LHFPL6: variants seen among roughly 807,000 people sequenced by gnomAD.
LHFPL6 encodes LHFPL tetraspan subfamily member 6 protein.
LHFPL6 carries 9 observed loss-of-function variants against 20.6 expected under a neutral mutation model. That is an observed-to-expected ratio of 0.44 (90% CI 0.26 to 0.76). The LOEUF (loss-of-function observed/expected upper bound fraction) is 0.76. Ranked by LOEUF, LHFPL6 falls within the 30% of genes least tolerant of loss-of-function variation. The pLI, the probability that LHFPL6 is intolerant of heterozygous loss-of-function variation, is 0.20. For synonymous variants in LHFPL6, 105 were observed against 98.7 expected (o/e 1.06, Z -0.38); for missense variants, 218 against 253.5 (o/e 0.86, Z 0.95).
intron 2 of LHFPL6, among the ~76,000 whole-genome samples, chr13:39,533,363 C>T (rs1382421236): frequency 6.6e-6 from 1 of 152,180 alleles, no homozygotes; most frequent in Non-Finnish European, 1.5e-5. Flanking sequence ...TGTGGCTTCC[C>T]TCTTGAATCC....
chr13:39,584,895 G>T (rs1168128609), intron 2 of LHFPL6, among the ~76,000 whole-genome samples: 1 of 152,144 alleles, frequency 6.6e-6, no homozygotes, highest in Non-Finnish European at 1.5e-5. Context: ...CCAGGAAGAA[G>T]AAATAATACA....
chr13:39,574,901 G>C (rs1296831911), intron 2 of LHFPL6, among the ~76,000 whole-genome samples: 1 of 152,056 alleles, frequency 6.6e-6, no homozygotes, highest in Non-Finnish European at 1.5e-5. Context: ...GTGAAACCCT[G>C]TCTCTACTAA....
At chr13:39,505,787 T>C (rs2138468447) in intron 2 of LHFPL6, among the ~76,000 whole-genome samples, 1 of 152,338 alleles carries the variant, frequency 6.6e-6, no homozygotes, top group South Asian at 2.1e-4. Context: ...ATTAGGTCTG[T>C]ACCCACTACA....
At chr13:39,582,251 C>T (rs991939312) in intron 2 of LHFPL6, among the ~76,000 whole-genome samples, 4 of 152,198 alleles carry the variant, frequency 2.6e-5, no homozygotes, top group Non-Finnish European at 5.9e-5. Context: ...CAAGTCACGT[C>T]GACTGCATTT....
chr13:39,601,465 A>G lies in LHFPL6; in HGVS notation c.-174-75T>C, dbSNP rs1872945377. 5 of 364,856 alleles carry G rather than the reference A, an allele frequency of 1.4e-5. No homozygotes were observed. In the East Asian group the frequency reaches 1.6e-4, roughly 12 times the overall value. The allele number at this position is 364,856 out of a possible 1,614,324, so 22.6% of individuals were successfully genotyped here. A position where few individuals can be genotyped will look rare whatever the true frequency, so the allele number is the denominator to read the frequency against. On this transcript the variant is annotated intron_variant, in intron 1 of 3. Transcript: ENST00000379589. ...ATAACACTGTTTCAGCTAGTCTACA[A>G]TTTTCAATTAATAAACATTGAGACT...
rs1434487865 is a variant in LHFPL6, at chr13:39,342,988, G to A, written c.*948C>T. 5.3e-6 allele frequency: 1 copy of A among 189,278 alleles called. No homozygotes were observed. Among genetic ancestry groups the A allele is most frequent in the Non-Finnish European group, 1.1e-5 (1 of 89,772 alleles). 11.7% of individuals were successfully genotyped at this position (189,278 alleles called of 1,614,324 possible). On this transcript the variant is annotated 3_prime_UTR_variant, in exon 4 of 4. Transcript: ENST00000379589. ...CAAAATGAATATAGAAATAAATGTG[G>A]TACAGCACAGTACAATAATGGACAA...
intron 2 of LHFPL6, among the ~76,000 whole-genome samples, chr13:39,395,090 A>T (rs1211864133): frequency 6.6e-6 from 1 of 152,182 alleles, no homozygotes; most frequent in Non-Finnish European, 1.5e-5. Flanking sequence ...GGATCAGACC[A>T]GCTTCCTCCA....
At chr13:39,569,148 T>TGGACGGACGGACGGACGGACGGACGGAC (rs747576240) in intron 2 of LHFPL6, among the ~76,000 whole-genome samples, 12 of 144,396 alleles carry the variant, frequency 8.3e-5, no homozygotes, top group African/African-American at 2.3e-4. Flanking sequence ...GATGGATGGA[T>TGGACGGACGGACGGACGGACGGACGGAC]GGACGGACGG....
chr13:39,516,389 CT>C (rs1358231567), intron 2 of LHFPL6, among the ~76,000 whole-genome samples: 3 of 152,270 alleles, frequency 2.0e-5, no homozygotes, highest in African/African-American at 7.2e-5. Flanking sequence ...CGAGCAGCCC[CT>C]GGCTTGATTT....
At chr13:39,567,751 T>C (rs534561101) in intron 2 of LHFPL6, among the ~76,000 whole-genome samples, 1 of 152,336 alleles carries the variant, frequency 6.6e-6, no homozygotes, top group Non-Finnish European at 1.5e-5. Context: ...AGAGCAGGGA[T>C]GGGCAAACTA....
intron 2 of LHFPL6, among the ~76,000 whole-genome samples, chr13:39,393,500 A>C (rs1483733939): frequency 1.3e-5 from 2 of 152,202 alleles, no homozygotes; most frequent in Non-Finnish European, 2.9e-5. Context: ...AGACGTGGTC[A>C]TCTCAGGTGA....
chr13:39,348,986 A>C (rs4640054), intron 3 of LHFPL6, among the ~76,000 whole-genome samples: 11,154 of 152,248 alleles, frequency 0.073, 718 homozygotes, highest in African/African-American at 0.17. Flanking sequence ...AAAGAGTGTA[A>C]CATAATAGCA....
Position 39,573,780 on chromosome 13 carries a change from G to C in LHFPL6, c.385+27052C>G, listed in dbSNP as rs143636687. 1.4e-3 allele frequency among the ~76,000 whole-genome samples: 210 copies of C among 152,092 alleles called. 2 individuals are homozygous for C. Among genetic ancestry groups the C allele is most frequent in the African/African-American group, 4.8e-3 (201 of 41,510 alleles). ...TTCCTTCCAATATTAATATTTATGAGTAGGCTAATAGTTAATCACTTTGAA... is the reference window on the plus strand; with the variant it reads ...TTCCTTCCAATATTAATATTTATGACTAGGCTAATAGTTAATCACTTTGAA... On this transcript the variant is annotated intron_variant, in intron 2 of 3. Coordinates refer to ENST00000379589, the MANE Select transcript of LHFPL6 (RefSeq NM_005780.3).
At chr13:39,523,998 C>CA (rs1870205025) in intron 2 of LHFPL6, among the ~76,000 whole-genome samples, 1 of 151,806 alleles carries the variant, frequency 6.6e-6, no homozygotes, top group Non-Finnish European at 1.5e-5. Flanking sequence ...GAAAAGATGG[C>CA]AGAGTACCAA....
chr13:39,471,687 G>A (rs546262364), intron 2 of LHFPL6, among the ~76,000 whole-genome samples: 1 of 152,172 alleles, frequency 6.6e-6, no homozygotes, highest in African/African-American at 2.4e-5. Flanking sequence ...GTACTTACAC[G>A]TGTATTGTAC....
intron 2 of LHFPL6, among the ~76,000 whole-genome samples, chr13:39,445,113 C>A: frequency 6.6e-6 from 1 of 152,312 alleles, no homozygotes; most frequent in East Asian, 1.9e-4. Context: ...AGCCTTATTA[C>A]GATGCAGCAA....
At chr13:39,473,564 A>G (rs1873003872) in intron 2 of LHFPL6, among the ~76,000 whole-genome samples, 1 of 151,904 alleles carries the variant, frequency 6.6e-6, no homozygotes, top group Non-Finnish European at 1.5e-5. Flanking sequence ...AATGTGTCCA[A>G]TTTTACTTAT....
At chr13:39,517,946 T>C (rs1196533189) in intron 2 of LHFPL6, among the ~76,000 whole-genome samples, 1 of 152,152 alleles carries the variant, frequency 6.6e-6, no homozygotes, top group Non-Finnish European at 1.5e-5. Context: ...CCCCCAGCCA[T>C]GGGTGGGCCT....
At chr13:39,488,624 A>G (rs1338704705) in intron 2 of LHFPL6, among the ~76,000 whole-genome samples, 1 of 152,206 alleles carries the variant, frequency 6.6e-6, no homozygotes, top group African/African-American at 2.4e-5. Context: ...AAATGAAGCT[A>G]TAATTGTGTT....
Sources: allele counts gnomAD v4.1 joint callset (sites outside exome capture counted in the v4.1 genomes callset), GRCh38; gene constraint gnomAD v4.1.1; transcripts MANE v1.5; gene names NCBI Gene and HGNC (gene_info 2026-07-23, HGNC 2026-07-21).